The following ADK variants were observed in gnomAD, a reference collection of about 807,000 sequenced individuals.
ADK encodes the protein N6,N6-dimethyladenosine kinase.
A neutral mutation model predicts 44.7 loss-of-function variants in ADK; 24 were observed. The ratio of observed to expected loss-of-function variants is 0.54; its 90% CI spans 0.39 to 0.76. ADK has a LOEUF of 0.76. ADK is among the 30% of genes least tolerant of loss of function. The pLI is 0.00. For missense variants in ADK, 321 were observed against 425.1 expected (o/e 0.76, Z 2.15); for synonymous variants, 128 against 142.6 (o/e 0.90, Z 0.73).
intron 3 of ADK, among the ~76,000 whole-genome samples, chr10:74,267,948 C>T (rs1400098150): frequency 6.6e-6 from 1 of 151,898 alleles, no homozygotes; most frequent in Non-Finnish European, 1.5e-5. Context: ...GGATGATTCC[C>T]CAAAGAAAAT....
intron 1 of ADK, among the ~76,000 whole-genome samples, chr10:74,186,952 A>G (rs1404883385): frequency 6.6e-6 from 1 of 152,178 alleles, no homozygotes; most frequent in Non-Finnish European, 1.5e-5. Context: ...GACTTGGGTA[A>G]ATATCTAGGA....
intron 6 of ADK, among the ~76,000 whole-genome samples, chr10:74,441,912 A>G (rs867992839): frequency 1.3e-5 from 2 of 152,202 alleles, no homozygotes; most frequent in Non-Finnish European, 2.9e-5. Context: ...GACATTTTCC[A>G]TAGAAGACAT....
intron 4 of ADK, among the ~76,000 whole-genome samples, chr10:74,317,602 C>A (rs1829847553): frequency 6.6e-6 from 1 of 151,410 alleles, no homozygotes; most frequent in African/African-American, 2.4e-5. Context: ...AAATGACTTC[C>A]TTGGATATGT....
At chr10:74,435,399 A>G (rs968198245) in intron 6 of ADK, among the ~76,000 whole-genome samples, 1 of 152,206 alleles carries the variant, frequency 6.6e-6, no homozygotes, top group African/African-American at 2.4e-5. Context: ...TTGAGACACA[A>G]AAAATGTTGT....
chr10:74,251,930 T>C (rs1408095410), intron 3 of ADK, among the ~76,000 whole-genome samples: 1 of 137,646 alleles, frequency 7.3e-6, no homozygotes, highest in Non-Finnish European at 1.5e-5. Flanking sequence ...GACTCACCTC[T>C]TTACCGTGTG....
At chr10:74,665,720 G>A (rs559260200) in intron 9 of ADK, among the ~76,000 whole-genome samples, 31 of 150,292 alleles carry the variant, frequency 2.1e-4, no homozygotes, top group Non-Finnish European at 3.8e-4. Context: ...GGGAGGCAGA[G>A]TGAGACCTTA....
intron 3 of ADK, among the ~76,000 whole-genome samples, chr10:74,314,110 CAT>C (rs1840538401): frequency 1.3e-5 from 2 of 152,074 alleles, no homozygotes; most frequent in South Asian, 2.1e-4. Flanking sequence ...ATACATAAAA[CAT>C]ATTTTTTGAC....
chr10:74,156,844 C>T (rs1023383740), intron 1 of ADK, among the ~76,000 whole-genome samples: 1 of 151,796 alleles, frequency 6.6e-6, no homozygotes, highest in African/African-American at 2.4e-5. Context: ...GAGAGGGAAA[C>T]GCAGCAATTA....
In ADK at chr10:74,200,833, T is replaced by G; in HGVS notation, c.135T>G (p.Leu45=). The part of the protein sequence containing the change: ...DISAVVDKDF[L]DKYSLKPNDQ... ...CTGCTGTAGTGGACAAAGATTTCCT[T>G]GATAAGTAAGTATTAAACTCTTCAT... is the stretch of plus-strand genomic sequence containing the variant. Residue 45 remains leucine (L), a synonymous_variant, in exon 2 of 11, where the codon CTT becomes CTG. Transcript: ENST00000539909. 6.3e-7 allele frequency: 1 copy of G among 1,597,042 alleles called. No individual in the cohort carries two copies. Among genetic ancestry groups the G allele is most frequent in the East Asian group, 2.2e-5 (1 of 44,676 alleles).
intron 7 of ADK, among the ~76,000 whole-genome samples, chr10:74,538,125 C>T (rs920581010): frequency 1.3e-5 from 2 of 151,948 alleles, no homozygotes; most frequent in African/African-American, 2.4e-5. Context: ...TGTGGTGGCA[C>T]GCGCCTATAG....
intron 7 of ADK, among the ~76,000 whole-genome samples, chr10:74,574,872 G>A (rs2133871865): frequency 6.6e-6 from 1 of 152,248 alleles, no homozygotes; most frequent in Non-Finnish European, 1.5e-5. Context: ...TCTACTACTA[G>A]AATAATCAAA....
At chr10:74,164,098 A>T (rs1841972800) in intron 1 of ADK, among the ~76,000 whole-genome samples, 1 of 152,268 alleles carries the variant, frequency 6.6e-6, no homozygotes, top group South Asian at 2.1e-4. Context: ...CATATAAAAC[A>T]TAGTGATGAA....
intron 9 of ADK, 115 bp from the exon 10 acceptor site, chr10:74,670,068 T>C: frequency 1.2e-6 from 1 of 832,310 alleles, no homozygotes; most frequent in Non-Finnish European, 2.0e-6. Context: ...ATGGAGCTTA[T>C]GTCCTGTCTC....
chr10:74,387,170 C>T (rs760696959), intron 4 of ADK, among the ~76,000 whole-genome samples: 22 of 152,086 alleles, frequency 1.4e-4, no homozygotes, highest in Non-Finnish European at 1.0e-4. Flanking sequence ...CTCCTGACCT[C>T]GTGATCCGCC....
chr10:74,278,126 G>A (rs1371510831), intron 3 of ADK, among the ~76,000 whole-genome samples: 1 of 151,928 alleles, frequency 6.6e-6, no homozygotes, highest in Non-Finnish European at 1.5e-5. Context: ...GGCTGAGGTG[G>A]GTGGTCTGCT....
chr10:74,267,048 A>G (rs982398493), intron 3 of ADK, among the ~76,000 whole-genome samples: 1 of 152,246 alleles, frequency 6.6e-6, no homozygotes, highest in Non-Finnish European at 1.5e-5. Context: ...TTCCCTAAAC[A>G]ATATGACAAA....
At chr10:74,670,622 T>G (rs1385391313) in intron 10 of ADK, among the ~76,000 whole-genome samples, 1 of 152,218 alleles carries the variant, frequency 6.6e-6, no homozygotes. Context: ...TAAAACAAGT[T>G]GTGATGAATA....
At chr10:74,275,889 C>G (rs1846653471) in intron 3 of ADK, among the ~76,000 whole-genome samples, 1 of 152,164 alleles carries the variant, frequency 6.6e-6, no homozygotes, top group Non-Finnish European at 1.5e-5. Flanking sequence ...GATCTGCCTG[C>G]CTCAGCCTTC....
intron 7 of ADK, among the ~76,000 whole-genome samples, chr10:74,582,376 T>G (rs1298413503): frequency 6.6e-6 from 1 of 152,144 alleles, no homozygotes; most frequent in African/African-American, 2.4e-5. Context: ...TCCTAACATT[T>G]TTCTTATGCT....
Sources: gnomAD v4.1 joint callset for allele counts (sites outside exome capture counted in the v4.1 genomes callset) on GRCh38, gnomAD v4.1.1 for gene constraint, MANE v1.5 for transcripts, NCBI Gene and HGNC (gene_info 2026-07-23, HGNC 2026-07-21) for gene names.